NCOA3: variants seen among roughly 807,000 people sequenced by gnomAD.
NCOA3 encodes the protein CBP-interacting protein.
A neutral mutation model predicts 158.8 loss-of-function variants in NCOA3; 51 were observed. The observed-to-expected ratio is 0.32, with a 90% CI of 0.26 to 0.41. The LOEUF is 0.41. Among genes scored for constraint, NCOA3 ranks in the 10% least tolerant of loss-of-function variants. The pLI, the probability that NCOA3 is intolerant of heterozygous loss-of-function variation, is 1.00. For synonymous variants in NCOA3, 537 were observed against 592.4 expected, an observed-to-expected ratio of 0.91 and a Z score of 1.36; for missense variants, 1,510 against 1,746.6, an observed-to-expected ratio of 0.86 and a Z score of 2.41.
chr20:47,564,826 G>A (rs1390348661), intron 1 of NCOA3, among the ~76,000 whole-genome samples: 1 of 152,018 alleles, frequency 6.6e-6, no homozygotes, highest in Non-Finnish European at 1.5e-5. Context: ...TGCCTACTCT[G>A]GTTCTTAGTC....
Position 47,636,005 on chromosome 20 carries a change from C to T in NCOA3, c.1619C>T (p.Thr540Ile). Reference protein sequence around the residue: ...SEGVGTSLLSTLSSPGPKLDN... With the variant: ...SEGVGTSLLSILSSPGPKLDN... ...GGTGTGGGGACTTCCCTTTTATCTA[C>T]TCTGTCATCACCAGGCCCCAAATTG... The change falls in exon 12 of 23, where the codon ACT becomes ATT. Residue 540 changes from threonine (T) to isoleucine (I), a missense_variant. By Grantham distance (89) the Thr-to-Ile change is moderately conservative. Transcript: ENST00000371998. 6.2e-7 allele frequency: 1 copy of T among 1,614,160 alleles called. No individual in the cohort carries two copies. The highest frequency in any genetic ancestry group is 1.1e-5 in the South Asian group (1 of 91,082).
At chr20:47,624,121 T>G (rs1568734385) in intron 4 of NCOA3, 38 bp downstream of exon 4, 1 of 1,547,662 alleles carries the variant, frequency 6.5e-7, no homozygotes, top group Non-Finnish European at 8.7e-7. Context: ...ACAGTGGTGG[T>G]TCCCAACCTT....
rs2086845371 is a variant in NCOA3, at chr20:47,654,642, T to G, written c.*1225T>G. On this transcript the variant is annotated 3_prime_UTR_variant, in exon 23 of 23. Transcript: ENST00000371998. ...GCTCTTTTCAATCTCTTAATCTAAA[T>G]GCTTTTTAAAGAGATTATTTGTTTA... is the stretch of plus-strand genomic sequence containing the variant. 1.3e-5 allele frequency: 2 copies of G among 152,596 alleles called. No individual in the cohort carries two copies. Among genetic ancestry groups the G allele is most frequent in the Non-Finnish European group, 2.9e-5 (2 of 68,038 alleles). The allele number at this position is 152,596 out of a possible 1,614,324, so 9.5% of individuals were successfully genotyped here.
chr20:47,520,001 A>G (rs1271206219), intron 1 of NCOA3, among the ~76,000 whole-genome samples: 1 of 133,282 alleles, frequency 7.5e-6, no homozygotes, highest in Non-Finnish European at 1.5e-5. Flanking sequence ...TGACCTTGTG[A>G]TCCGCCGGCT....
At chr20:47,581,615 T>G (rs556354824) in intron 1 of NCOA3, among the ~76,000 whole-genome samples, 31 of 152,204 alleles carry the variant, frequency 2.0e-4, no homozygotes, top group Non-Finnish European at 4.1e-4. Flanking sequence ...GCTATTAACT[T>G]TAGGGCGTAA....
At chr20:47,528,413 A>G (rs974967090) in intron 1 of NCOA3, among the ~76,000 whole-genome samples, 4 of 152,226 alleles carry the variant, frequency 2.6e-5, no homozygotes, top group African/African-American at 7.2e-5. Flanking sequence ...ATGAAAAACT[A>G]TGAATATATT....
At chr20:47,511,556 T>TATATATATA (rs1569310943) in intron 1 of NCOA3, among the ~76,000 whole-genome samples, 1 of 30,194 alleles carries the variant, frequency 3.3e-5, no homozygotes, top group African/African-American at 6.5e-5. Context: ...TATATATATA[T>TATATATATA]TTCTTTTTTT....
rs11906150 is a variant in NCOA3, at chr20:47,645,511, A to G, written c.3253-1562A>G. On this transcript the variant is annotated intron_variant, in intron 17 of 22. Coordinates refer to ENST00000371998, the MANE Select transcript of NCOA3 (RefSeq NM_181659.3). ...CTTCTCTATTCACTTTGTATCTTCT[A>G]TTATAAATATGGAAATACTTGATCT... Among the ~76,000 whole-genome samples, 1,046 of 152,174 alleles carry G rather than the reference A, an allele frequency of 6.9e-3. 14 individuals carry two copies. The highest frequency in any genetic ancestry group is 0.024 in the African/African-American group (978 of 41,498).
At chr20:47,643,073 G>A (rs1030337697) in intron 17 of NCOA3, among the ~76,000 whole-genome samples, 3 of 152,154 alleles carry the variant, frequency 2.0e-5, no homozygotes, top group Admixed American at 1.3e-4. Context: ...ACCACGCCCG[G>A]GTAATTTCTT....
At chr20:47,542,196 C>T (rs1224671117) in intron 1 of NCOA3, among the ~76,000 whole-genome samples, 2 of 150,386 alleles carry the variant, frequency 1.3e-5, no homozygotes, top group African/African-American at 2.4e-5. Flanking sequence ...ATGCCAGCTA[C>T]ATTAAAATTT....
intron 8 of NCOA3, among the ~76,000 whole-genome samples, chr20:47,629,504 C>G (rs977751934): frequency 3.3e-5 from 5 of 151,950 alleles, no homozygotes; most frequent in African/African-American, 1.2e-4. Flanking sequence ...TAATTTTTTA[C>G]ATTTTTAGTA....
chr20:47,641,441 T>TC (rs1444136784), intron 16 of NCOA3, among the ~76,000 whole-genome samples: 2 of 133,252 alleles, frequency 1.5e-5, no homozygotes, highest in African/African-American at 5.6e-5. Flanking sequence ...CACCTCTACC[T>TC]CCCAAAGTTC....
At chr20:47,563,922 G>A (rs564389013) in intron 1 of NCOA3, among the ~76,000 whole-genome samples, 23 of 149,192 alleles carry the variant, frequency 1.5e-4, no homozygotes, top group African/African-American at 1.7e-4. Context: ...AAAAGAAAAA[G>A]GCTGAGGTGG....
intron 1 of NCOA3, among the ~76,000 whole-genome samples, chr20:47,562,438 G>C (rs1464653380): frequency 6.6e-6 from 1 of 152,136 alleles, no homozygotes; most frequent in African/African-American, 2.4e-5. Flanking sequence ...CATTCCAACA[G>C]GTGTGTATTA....
Position 47,642,326 on chromosome 20 carries a change from A to G in NCOA3, c.3194A>G (p.Asp1065Gly), listed in dbSNP as rs776967040. The G allele has an allele frequency of 4.3e-6, 7 of 1,613,120 alleles. No individual in the cohort carries two copies. Among genetic ancestry groups the G allele is most frequent in the South Asian group, 2.2e-5 (2 of 90,860 alleles). ...DQLHTLLSNT[D>G]ATGLEEIDRA... ...CTGCACACTCTTCTCAGCAACACAG[A>G]TGCCACAGGCCTGGAAGAAATTGAC... Residue 1065 changes from aspartate (D) to glycine (G), a missense_variant, in exon 17 of 23, where the codon GAT becomes GGT. Transcript: ENST00000371998.
intron 2 of NCOA3, among the ~76,000 whole-genome samples, chr20:47,585,458 C>T (rs984112847): frequency 6.6e-6 from 1 of 152,058 alleles, no homozygotes; most frequent in Non-Finnish European, 1.5e-5. Flanking sequence ...TTGGTAATCC[C>T]ATCATTCTCT....
At chr20:47,625,266 T>C in intron 4 of NCOA3, 115 bp from the exon 5 acceptor site, 1 of 645,200 alleles carries the variant, frequency 1.5e-6, no homozygotes, top group South Asian at 1.9e-5. Flanking sequence ...ATGTTTTGTA[T>C]GTATGTATGG....
At chr20:47,587,974 G>T (rs1255269946) in intron 2 of NCOA3, among the ~76,000 whole-genome samples, 1 of 151,804 alleles carries the variant, frequency 6.6e-6, no homozygotes, top group Non-Finnish European at 1.5e-5. Context: ...AATAATTTCA[G>T]AATTGGTTTT....
At chr20:47,510,885 G>A (rs2084111978) in intron 1 of NCOA3, among the ~76,000 whole-genome samples, 1 of 152,122 alleles carries the variant, frequency 6.6e-6, no homozygotes, top group Non-Finnish European at 1.5e-5. Flanking sequence ...GCCCAGTATA[G>A]TGAGTTTTCT....
Sources: gnomAD v4.1 joint callset for allele counts (sites outside exome capture counted in the v4.1 genomes callset) on GRCh38, gnomAD v4.1.1 for gene constraint, MANE v1.5 for transcripts, NCBI Gene and HGNC (gene_info 2026-07-23, HGNC 2026-07-21) for gene names.